Variants in CABP1 observed in about 807,000 individuals in gnomAD.
The protein encoded by CABP1 is calcium binding protein 1.
A neutral mutation model predicts 34.3 loss-of-function variants in CABP1; 17 were observed. The observed-to-expected ratio is 0.50, with a 90% CI of 0.34 to 0.74. CABP1 has a LOEUF of 0.74. CABP1 is among the 30% of genes least tolerant of loss of function. The pLI is 0.01. For synonymous variants in CABP1, 198 were observed against 229.2 expected (o/e 0.86, Z 1.23); for missense variants, 373 against 511.1 (o/e 0.73, Z 2.61).
Position 120,660,520 on chromosome 12 carries a change from G to T in CABP1, c.829+181G>T, listed in dbSNP as rs1880560086. 6.6e-6 allele frequency among the ~76,000 whole-genome samples: 1 copy of T among 152,222 alleles called. No homozygotes were observed. Among genetic ancestry groups the T allele is most frequent in the South Asian group, 2.1e-4 (1 of 4,830 alleles). On this transcript the variant is annotated intron_variant, in intron 3 of 5. Transcript: ENST00000316803. This position sits in a 1 kb window ranked among gnomAD's most constrained non-coding sequence, Gnocchi z 5.0. The stretch of plus-strand genomic sequence containing the variant: ...CTGTAAAATGAGGGCCGAATTGGAG[G>T]AGTGGAGCCCAGAAAGTAGATTAGG...
chr12:120,641,406 G>C lies in CABP1; in HGVS notation c.654+67G>C. The C allele has an allele frequency of 8.1e-7, 1 of 1,238,398 alleles. No homozygotes were observed. The highest frequency in any genetic ancestry group is 3.2e-5 in the East Asian group (1 of 31,510). The allele number at this position is 1,238,398 out of a possible 1,614,324, so 76.7% of individuals were successfully genotyped here. ...TCGGGACCCTGCCGGCCGCGGTTGC[G>C]CGTCCACAGCCTCCTCCCGCGGCCC... On this transcript the variant is annotated intron_variant, in intron 1 of 5. Transcript: ENST00000316803. The surrounding 1 kb of genome is among the most constrained non-coding windows in gnomAD (Gnocchi z 6.7).
the CABP1 span, among the ~76,000 whole-genome samples, chr12:120,680,708 G>A: frequency 3.3e-5 from 5 of 152,110 alleles, no homozygotes; most frequent in Non-Finnish European, 4.4e-5. Flanking sequence ...GAGCAAACCT[G>A]GGGTTATCTG....
At chr12:120,677,082 TG>T in the CABP1 span, among the ~76,000 whole-genome samples, 7 of 134,586 alleles carry the variant, frequency 5.2e-5, no homozygotes, top group African/African-American at 1.4e-4. Flanking sequence ...TTGAAGTTTG[TG>T]GTTTTTTTTT....
rs1385605990 is a variant in CABP1 at position 120,660,613 on chromosome 12, TAA to T, written c.830-117_830-116del. On this transcript the variant is annotated intron_variant, in intron 3 of 5. Transcript: ENST00000316803. This position sits in a 1 kb window ranked among gnomAD's most constrained non-coding sequence, Gnocchi z 5.0. ...CTGAACAGAGGGCTCTTGTTATTAT[TAA>T]GTTTGTCTCTATCTGATGAGCAGGT... is the stretch of plus-strand genomic sequence containing the variant. 2.6e-6 allele frequency: 2 copies of T among 772,164 alleles called. No homozygotes were observed. The highest frequency in any genetic ancestry group is 2.4e-5 in the East Asian group (1 of 40,882). The allele number at this position is 772,164 out of a possible 1,614,324, so 47.8% of individuals were successfully genotyped here.
Position 120,641,161 on chromosome 12 carries a change from C to A in CABP1, c.476C>A (p.Ser159Ter). ...LPAAASRPSP[S>*]SPLPPARGRD... Reference sequence around the variant, plus strand: ...GCCGCGGCGTCCCGACCTTCGCCGTCGTCGCCGCTGCCGCCGGCCCGCGGG... The same window carrying A: ...GCCGCGGCGTCCCGACCTTCGCCGTAGTCGCCGCTGCCGCCGGCCCGCGGG... The change falls in exon 1 of 6, where the codon TCG becomes TAG. Residue 159 changes from serine (S) to a stop codon, truncating the protein, a stop_gained. Coordinates refer to ENST00000316803, the MANE Select transcript of CABP1 (RefSeq NM_001033677.2). LOFTEE classifies it high-confidence loss of function. The surrounding 1 kb of genome is among the most constrained non-coding windows in gnomAD (Gnocchi z 6.7). 8.1e-7 allele frequency: 1 copy of A among 1,237,424 alleles called. No homozygotes were observed. The highest frequency in any genetic ancestry group is 3.8e-5 in the South Asian group (1 of 26,576). The allele number at this position is 1,237,424 out of a possible 1,614,324, so 76.7% of individuals were successfully genotyped here.
intron 1 of CABP1, among the ~76,000 whole-genome samples, chr12:120,644,656 T>C (rs540002392): frequency 6.6e-6 from 1 of 152,324 alleles, no homozygotes; most frequent in Non-Finnish European, 1.5e-5. Flanking sequence ...TTTTTCCAGC[T>C]GTAGAAACAC....
intron 1 of CABP1, among the ~76,000 whole-genome samples, chr12:120,651,795 C>T (rs1327970834): frequency 1.3e-5 from 2 of 152,180 alleles, no homozygotes; most frequent in Non-Finnish European, 2.9e-5. Flanking sequence ...TTAGATCCTT[C>T]CAAGGGCTTG....
intron 1 of CABP1, among the ~76,000 whole-genome samples, chr12:120,642,463 A>G (rs1593152808): frequency 6.6e-6 from 1 of 152,132 alleles, no homozygotes; most frequent in African/African-American, 2.4e-5. Flanking sequence ...ATGCTGGTGG[A>G]GGTCTGACAT....
chr12:120,641,503 TC>T lies in CABP1; in HGVS notation c.654+168del. On this transcript the variant is annotated intron_variant, in intron 1 of 5. Coordinates refer to ENST00000316803, the MANE Select transcript of CABP1 (RefSeq NM_001033677.2). This position sits in a 1 kb window ranked among gnomAD's most constrained non-coding sequence, Gnocchi z 6.7. ...CCGGCGCCCTTGCCGGCACTCCTCC[TC>T]CCCGTGCCTGATTCAGCACCCCGTG... The T allele has an allele frequency of 1.5e-6, 1 of 686,060 alleles. No homozygotes were observed. Among genetic ancestry groups the T allele is most frequent in the Non-Finnish European group, 2.0e-6 (1 of 490,680 alleles). 42.5% of individuals were successfully genotyped at this position (686,060 alleles called of 1,614,324 possible). A position where few individuals can be genotyped will look rare whatever the true frequency, so the allele number is the denominator to read the frequency against.
the CABP1 span, among the ~76,000 whole-genome samples, chr12:120,677,363 C>T: frequency 2.1e-5 from 3 of 144,328 alleles, no homozygotes; most frequent in Non-Finnish European, 4.5e-5. Flanking sequence ...GCTGGGATTA[C>T]AGGCATGAGC....
intron 1 of CABP1, among the ~76,000 whole-genome samples, chr12:120,657,425 G>A (rs1299148504): frequency 2.0e-5 from 3 of 152,226 alleles, no homozygotes; most frequent in Admixed American, 6.5e-5. Flanking sequence ...TGAGGAGACT[G>A]TGGCTCAAAC....
the CABP1 span, among the ~76,000 whole-genome samples, chr12:120,679,073 CAA>C: frequency 6.9e-5 from 6 of 87,080 alleles, no homozygotes; most frequent in Non-Finnish European, 1.1e-4. Context: ...ACACCATCTC[CAA>C]AAAAAAAAAA....
chr12:120,655,996 C>A (rs1371865329), intron 1 of CABP1: 1 of 1,578,606 alleles, frequency 6.3e-7, no homozygotes, highest in Non-Finnish European at 8.6e-7. Context: ...CTCTCAGGGT[C>A]CCCTCTTGCG....
At chr12:120,670,387 G>A (rs1021616314), downstream of CABP1, among the ~76,000 whole-genome samples, 3 of 152,216 alleles carry the variant, frequency 2.0e-5, no homozygotes, top group African/African-American at 7.2e-5. Flanking sequence ...CTAGCCAAGA[G>A]TTCTTTCTGC....
At chr12:120,658,037 G>T (rs1161511687) in intron 1 of CABP1, among the ~76,000 whole-genome samples, 4 of 151,226 alleles carry the variant, frequency 2.6e-5, no homozygotes, top group Admixed American at 1.3e-4. Flanking sequence ...GAACATATGG[G>T]TTTGTGTTGG....
At chr12:120,645,877 A>G (rs941101621) in intron 1 of CABP1, among the ~76,000 whole-genome samples, 3 of 152,132 alleles carry the variant, frequency 2.0e-5, no homozygotes, top group Non-Finnish European at 4.4e-5. Context: ...TGACTTGTCC[A>G]AAGGTCATAT....
chr12:120,650,507 C>T (rs1359796450), intron 1 of CABP1: 19 of 1,557,650 alleles, frequency 1.2e-5, no homozygotes, highest in Non-Finnish European at 1.6e-5. Flanking sequence ...GGGCTCACAT[C>T]CGTCCTGGAG....
At chr12:120,654,376 G>C (rs1191355108) in intron 1 of CABP1, among the ~76,000 whole-genome samples, 1 of 152,182 alleles carries the variant, frequency 6.6e-6, no homozygotes, top group East Asian at 1.9e-4. Context: ...GGAAGCAGGA[G>C]AGGACACGGT....
intron 1 of CABP1, among the ~76,000 whole-genome samples, chr12:120,646,215 C>T (rs1879532092): frequency 6.6e-6 from 1 of 152,230 alleles, no homozygotes; most frequent in African/African-American, 2.4e-5. Context: ...TCTCACGTTA[C>T]AGTCCAGCTT....
Sources: gnomAD v4.1 joint callset for allele counts (sites outside exome capture counted in the v4.1 genomes callset) on GRCh38, gnomAD v4.1.1 for gene constraint, Gnocchi (gnomAD v3.1) non-coding constraint, MANE v1.5 for transcripts, NCBI Gene and HGNC (gene_info 2026-07-23, HGNC 2026-07-21) for gene names.